Variants in ZFAND6 observed in about 807,000 individuals in gnomAD.
The protein encoded by ZFAND6 is AN1-type zinc finger protein 6.
In ZFAND6, 12 loss-of-function variants were observed where a neutral mutation model predicts 24.5. The ratio of observed to expected loss-of-function variants is 0.49; its 90% confidence interval spans 0.31 to 0.79. ZFAND6 has a LOEUF of 0.79. Among genes scored for constraint, ZFAND6 ranks in the 30% least tolerant of loss-of-function variants. ZFAND6 has a pLI of 0.04. For missense variants in ZFAND6, 207 were observed against 245.9 expected, an observed-to-expected ratio of 0.84 and a Z score of 1.06; for synonymous variants, 92 against 81.5, an observed-to-expected ratio of 1.13 and a Z score of -0.69.
At chr15:80,124,675 A>G (rs1315050909) in intron 5 of ZFAND6, among the ~76,000 whole-genome samples, 1 of 152,180 alleles carries the variant, frequency 6.6e-6, no homozygotes, top group African/African-American at 2.4e-5. Context: ...GGTGGTCCTG[A>G]TGCCATATTA....
chr15:80,114,411 C>T (rs182481981), intron 2 of ZFAND6, among the ~76,000 whole-genome samples: 10 of 152,258 alleles, frequency 6.6e-5, no homozygotes, highest in Non-Finnish European at 1.3e-4. Flanking sequence ...GTTGAGTACT[C>T]CTCTCTGGGA....
intron 1 of ZFAND6, among the ~76,000 whole-genome samples, chr15:80,082,144 GTATACATAGGA>G (rs1213734797): frequency 6.6e-6 from 1 of 152,152 alleles, no homozygotes; most frequent in Non-Finnish European, 1.5e-5. Flanking sequence ...GAGGTATGGA[GTATACATAGGA>G]TATGGGAATG....
At chr15:80,115,046 G>A (rs951424290) in intron 2 of ZFAND6, 1 of 152,076 alleles carries the variant, frequency 6.6e-6, no homozygotes, top group Non-Finnish European at 1.5e-5. Flanking sequence ...CACTGACTTA[G>A]CTGCTTACCA....
intron 3 of ZFAND6, 100 bp downstream of exon 3, chr15:80,120,598 A>G (rs1222485805): frequency 7.7e-6 from 8 of 1,034,286 alleles, no homozygotes; most frequent in East Asian, 3.1e-5. Context: ...TTATATTTAT[A>G]TTACCATATT....
intron 1 of ZFAND6, among the ~76,000 whole-genome samples, chr15:80,096,267 T>G (rs1189322366): frequency 6.6e-6 from 1 of 152,218 alleles, no homozygotes; most frequent in Non-Finnish European, 1.5e-5. Context: ...TGTAAATTAT[T>G]TTTATGCAGA....
At chr15:80,071,630 G>T (rs778780849) in intron 1 of ZFAND6, among the ~76,000 whole-genome samples, 4 of 151,642 alleles carry the variant, frequency 2.6e-5, no homozygotes, top group Non-Finnish European at 5.9e-5. Flanking sequence ...TATGATCTCT[G>T]TAGTAAAAAT....
intron 6 of ZFAND6, among the ~76,000 whole-genome samples, chr15:80,136,153 T>C (rs988850901): frequency 6.6e-6 from 1 of 150,898 alleles, no homozygotes; most frequent in South Asian, 2.1e-4. Flanking sequence ...TTTTAAAATA[T>C]ACATATTTAA....
intron 5 of ZFAND6, among the ~76,000 whole-genome samples, chr15:80,124,414 C>G (rs1164591043): frequency 6.7e-6 from 1 of 150,010 alleles, no homozygotes; most frequent in African/African-American, 2.5e-5. Flanking sequence ...GCCTGGGCAA[C>G]AGAGCGAGAC....
intron 1 of ZFAND6, among the ~76,000 whole-genome samples, chr15:80,079,600 TTATAA>T (rs1406269132): frequency 1.3e-5 from 2 of 152,036 alleles, no homozygotes; most frequent in African/African-American, 4.8e-5. Flanking sequence ...ATTTTGAATG[TTATAA>T]TAGATTTATG....
intron 2 of ZFAND6, among the ~76,000 whole-genome samples, chr15:80,101,031 G>A (rs1254365316): frequency 2.6e-5 from 4 of 152,198 alleles, no homozygotes; most frequent in Non-Finnish European, 4.4e-5. Flanking sequence ...TCTTTGAGAG[G>A]AGGAATACTA....
intron 1 of ZFAND6, chr15:80,072,700 C>T (rs1185407893): frequency 3.3e-5 from 5 of 151,868 alleles, no homozygotes. Context: ...AATTTTGCTC[C>T]TTTATGATTC....
chr15:80,088,425 G>C (rs747974047), intron 1 of ZFAND6, among the ~76,000 whole-genome samples: 113 of 152,062 alleles, frequency 7.4e-4, no homozygotes, highest in Non-Finnish European at 1.9e-4. Flanking sequence ...AAATTAGGGG[G>C]TGTGGTGGTG....
chr15:80,094,055 A>T (rs1278183014), intron 1 of ZFAND6, among the ~76,000 whole-genome samples: 1 of 152,206 alleles, frequency 6.6e-6, no homozygotes, highest in East Asian at 1.9e-4. Context: ...GTTGGATTGG[A>T]TGGAGTTTGT....
chr15:80,137,560 G>A lies in ZFAND6; in HGVS notation c.559G>A (p.Ala187Thr), dbSNP rs1260492867. Residue 187 changes from alanine (A) to threonine (T), a missense_variant, in exon 7 of 7, where the codon GCC (alanine) becomes ACC (threonine). Around this residue, in one of 3 missense-constraint regions of ZFAND6, gnomAD observed 45 missense variants for 67.7 expected, o/e 0.66. Transcript: ENST00000261749. ...DVHNCSYNYK[A>T]DAAEKIRKEN... is the part of the protein sequence containing the mutation. ...ACACAATTGCTCTTACAATTACAAA[G>A]CCGATGCTGCTGAGAAAATCAGAAA... 3.1e-6 allele frequency: 5 copies of A among 1,605,150 alleles called. No individual in the cohort carries two copies. The highest frequency in any genetic ancestry group is 4.2e-6 in the Non-Finnish European group (5 of 1,177,118).
chr15:80,098,729 G>A lies in ZFAND6; in HGVS notation c.-18+151G>A, dbSNP rs146603090. On this transcript the variant is annotated intron_variant, in intron 2 of 6. Transcript: ENST00000261749. ...TCTGGTGGGTAGGATACTGAGGGTG[G>A]AGTGGGTGGTAGATTTTTATTTATA... 8.0e-3 allele frequency among the ~76,000 whole-genome samples: 1,220 copies of A among 152,130 alleles called. 11 individuals are homozygous for A. Among genetic ancestry groups the A allele is most frequent in the Non-Finnish European group, 0.011 (715 of 67,992 alleles).
intron 1 of ZFAND6, chr15:80,073,335 G>T: frequency 6.0e-6 from 2 of 335,252 alleles, no homozygotes; most frequent in Non-Finnish European, 1.2e-5. Flanking sequence ...CTATAGGTAG[G>T]CTACTACAAC....
At chr15:80,067,365 T>A (rs1233199642) in intron 1 of ZFAND6, among the ~76,000 whole-genome samples, 18 of 152,344 alleles carry the variant, frequency 1.2e-4, no homozygotes. Context: ...CATATGCTTT[T>A]GTTTTGCTTA....
At chr15:80,127,564 TGGGCAAAA>T (rs1411196565) in intron 5 of ZFAND6, among the ~76,000 whole-genome samples, 10 of 128,704 alleles carry the variant, frequency 7.8e-5, no homozygotes, top group African/African-American at 2.9e-4. Context: ...CACTCCAGCC[TGGGCAAAA>T]GGGCAAAACT....
Position 80,065,537 on chromosome 15 carries a change from A to ATTTTTTTTTTTT in ZFAND6, c.-181+5742_-181+5753dup, listed in dbSNP as rs149756891. Among the ~76,000 whole-genome samples, 60 of 76,490 alleles carry ATTTTTTTTTTTT rather than the reference A, an allele frequency of 7.8e-4. 1 individual carries two copies. The highest frequency in any genetic ancestry group is 8.4e-4 in the African/African-American group (16 of 18,956). 50.2% of individuals were successfully genotyped at this position (76,490 alleles called of 152,430 possible). A position where few individuals can be genotyped will look rare whatever the true frequency, so the allele number is the denominator to read the frequency against. ...GGGCTTCAAATTAGTTTTGGTTTTG[A>ATTTTTTTTTTTT]TTTTTTTTTTTTTTTTTTTTTTTTT... is the stretch of plus-strand genomic sequence containing the variant. On this transcript the variant is annotated intron_variant, in intron 1 of 6. Transcript: ENST00000261749.
Sources: allele counts gnomAD v4.1 joint callset (sites outside exome capture counted in the v4.1 genomes callset), GRCh38; gene constraint gnomAD v4.1.1; regional missense constraint gnomAD v4.1.1; transcripts MANE v1.5; gene names NCBI Gene and HGNC (gene_info 2026-07-23, HGNC 2026-07-21).